The following ALDH18A1 variants were observed in gnomAD, a reference collection of about 807,000 sequenced individuals.
The protein encoded by ALDH18A1 is aldehyde dehydrogenase 18 family member A1, also known as delta-1-pyrroline-5-carboxylate synthase.
ALDH18A1 carries 44 observed loss-of-function variants against 88.8 expected under a neutral mutation model. The ratio of observed to expected loss-of-function variants is 0.50; its 90% CI spans 0.39 to 0.64. The LOEUF is 0.64. Ranked by LOEUF, ALDH18A1 falls within the 30% of genes least tolerant of loss-of-function variation. The pLI is 0.00. For missense variants in ALDH18A1, 782 were observed against 1,009.5 expected (o/e 0.77, Z 3.05); for synonymous variants, 331 against 372.1 (o/e 0.89, Z 1.27).
Position 95,606,403 on chromosome 10 carries a change from T to C in ALDH18A1, c.*359A>G. On this transcript the variant is annotated 3_prime_UTR_variant, in exon 18 of 18. Transcript: ENST00000371224. ...ATTTGTTAAGGATGACTGGCTCTAGTACCAACTAAATGCCAAGGGGGACTG... is the reference window on the plus strand; with the variant it reads ...ATTTGTTAAGGATGACTGGCTCTAGCACCAACTAAATGCCAAGGGGGACTG... 1 of 1,140,804 alleles carries C rather than the reference T, an allele frequency of 8.8e-7. No individual in the cohort carries two copies. Among genetic ancestry groups the C allele is most frequent in the Non-Finnish European group, 1.1e-6 (1 of 923,478 alleles). The allele number at this position is 1,140,804 out of a possible 1,614,324, so 70.7% of individuals were successfully genotyped here.
Position 95,616,537 on chromosome 10 carries a change from A to T in ALDH18A1, c.1545T>A (p.Ile515=). The T allele has an allele frequency of 1.3e-6, 2 of 1,590,068 alleles. No homozygotes were observed. Among genetic ancestry groups the T allele is most frequent in the Non-Finnish European group, 1.7e-6 (2 of 1,167,560 alleles). ...GAGCCTCCTGGGTCAGGAGGTGGAG[A>T]ATCCGGTTGCTGTGTGCAGCCTCCT... ...GGKEAAHSNR[I]LHLLTQEALS... Residue 515 remains isoleucine (I), a synonymous_variant, in exon 13 of 18, where the codon ATT becomes ATA. Transcript: ENST00000371224.
chr10:95,609,171 G>A (rs535886824), intron 17 of ALDH18A1, among the ~76,000 whole-genome samples: 30 of 152,296 alleles, frequency 2.0e-4, no homozygotes, highest in African/African-American at 5.8e-4. Context: ...CACTGCGCCC[G>A]TTCTGGAGTT....
Position 95,621,017 on chromosome 10 carries a change from G to C in ALDH18A1, c.1467+14C>G. 6.2e-7 allele frequency: 1 copy of C among 1,612,216 alleles called. No homozygotes were observed. Among genetic ancestry groups the C allele is most frequent in the Non-Finnish European group, 8.5e-7 (1 of 1,178,484 alleles). On this transcript the variant is annotated intron_variant, in intron 12 of 17. Coordinates refer to ENST00000371224, the MANE Select transcript of ALDH18A1 (RefSeq NM_002860.4). ...CAATGGCAGGGTATTTATTCTCCCG[G>C]GGTATATACACACCTGGGGTAGACA...
At chr10:95,642,398 G>A (rs918531022) in intron 3 of ALDH18A1, among the ~76,000 whole-genome samples, 2 of 152,288 alleles carry the variant, frequency 1.3e-5, no homozygotes, top group Admixed American at 1.3e-4. Context: ...AGGATCACTT[G>A]AGCCCAGCAG....
At chr10:95,626,398 C>T (rs142759097) in intron 10 of ALDH18A1, among the ~76,000 whole-genome samples, 13 of 152,228 alleles carry the variant, frequency 8.5e-5, no homozygotes, top group African/African-American at 2.9e-4. Flanking sequence ...AGTAATTTTC[C>T]CACATTTCCA....
chr10:95,656,587 C>T lies in ALDH18A1; in HGVS notation c.-29+10G>A, dbSNP rs571140165. On this transcript the variant is annotated intron_variant, in intron 1 of 17. Transcript: ENST00000371224. ...CGGGCGCCTAGCCATCCCCGCCGCTCGCCGCGTACCTTCCTCACCACCGCC... is the reference window on the plus strand; with the variant it reads ...CGGGCGCCTAGCCATCCCCGCCGCTTGCCGCGTACCTTCCTCACCACCGCC... 1.2e-3 allele frequency: 179 copies of T among 152,632 alleles called. No homozygotes were observed. Among genetic ancestry groups the T allele is most frequent in the Admixed American group, 2.1e-3 (32 of 15,314 alleles). 9.5% of individuals were successfully genotyped at this position (152,632 alleles called of 1,614,324 possible).
intron 13 of ALDH18A1, among the ~76,000 whole-genome samples, chr10:95,615,491 ATGTG>A (rs202039720): frequency 6.6e-6 from 1 of 152,022 alleles, no homozygotes; most frequent in African/African-American, 2.4e-5. Context: ...GTGGTTATAC[ATGTG>A]TGTGTGTGAA....
intron 7 of ALDH18A1, among the ~76,000 whole-genome samples, chr10:95,630,302 C>T (rs573734759): frequency 1.3e-4 from 20 of 152,264 alleles, no homozygotes; most frequent in African/African-American, 4.6e-4. Flanking sequence ...ATTTCTTCAT[C>T]TGTAAAACTG....
intron 11 of ALDH18A1, among the ~76,000 whole-genome samples, chr10:95,622,468 C>A (rs896861715): frequency 8.5e-5 from 13 of 152,080 alleles, no homozygotes; most frequent in African/African-American, 2.9e-4. Flanking sequence ...TCCCAAAGTG[C>A]TGGGATTACT....
chr10:95,621,466 T>C (rs1369937998), intron 11 of ALDH18A1, among the ~76,000 whole-genome samples: 1 of 151,866 alleles, frequency 6.6e-6, no homozygotes, highest in Admixed American at 6.6e-5. Flanking sequence ...ACTACAGGCA[T>C]GCACCACCAG....
intron 3 of ALDH18A1, among the ~76,000 whole-genome samples, chr10:95,641,817 T>C (rs1021985584): frequency 6.6e-6 from 1 of 151,578 alleles, no homozygotes; most frequent in South Asian, 2.1e-4. Context: ...TTTAAAAAAA[T>C]TTTTGTAGAG....
intron 3 of ALDH18A1, among the ~76,000 whole-genome samples, chr10:95,640,190 G>A (rs541243827): frequency 6.6e-6 from 1 of 151,394 alleles, no homozygotes; most frequent in Non-Finnish European, 1.5e-5. Context: ...ATGAAAAGCA[G>A]GACAAATGTG....
At chr10:95,648,920 A>G (rs2097905433) in intron 2 of ALDH18A1, among the ~76,000 whole-genome samples, 1 of 152,268 alleles carries the variant, frequency 6.6e-6, no homozygotes, top group African/African-American at 2.4e-5. Context: ...CTTCATAAGC[A>G]GAAGGGCTAG....
chr10:95,649,351 ATTTTTT>A (rs376825293), intron 2 of ALDH18A1, among the ~76,000 whole-genome samples: 2 of 131,090 alleles, frequency 1.5e-5, no homozygotes, highest in Admixed American at 7.9e-5. Context: ...ATTTTTACAG[ATTTTTT>A]TTTTTTTTTT....
At chr10:95,616,429 C>G (rs757975483) in intron 13 of ALDH18A1, 48 bp downstream of exon 13, 23 of 1,551,772 alleles carry the variant, frequency 1.5e-5, no homozygotes, top group Non-Finnish European at 2.0e-5. Flanking sequence ...TCCCAAACAC[C>G]TGATCTGGCC....
At chr10:95,653,977 G>A (rs1392244433) in intron 1 of ALDH18A1, among the ~76,000 whole-genome samples, 1 of 152,080 alleles carries the variant, frequency 6.6e-6, no homozygotes, top group Admixed American at 6.6e-5. Context: ...GCCTACAACT[G>A]GCTAACATCT....
intron 3 of ALDH18A1, among the ~76,000 whole-genome samples, chr10:95,639,168 T>C (rs1017182695): frequency 6.6e-6 from 1 of 151,646 alleles, no homozygotes; most frequent in Non-Finnish European, 1.5e-5. Flanking sequence ...CCCATATCTA[T>C]GAAAAATTAA....
Position 95,616,473 on chromosome 10 carries a change from C to A in ALDH18A1, c.1605+4G>T. 6.4e-7 allele frequency: 1 copy of A among 1,561,578 alleles called. No individual in the cohort carries two copies. The highest frequency in any genetic ancestry group is 2.4e-5 in the East Asian group (1 of 42,468). The stretch of plus-strand genomic sequence containing the variant: ...CCTGACTTGGTGCATTCCCAGGGAC[C>A]TACCAGTTGCACGGCCTCCTTGACT... On this transcript the variant is annotated splice_donor_region_variant and intron_variant, in intron 13 of 17. Transcript: ENST00000371224.
At chr10:95,622,728 G>T (rs900715817) in intron 11 of ALDH18A1, among the ~76,000 whole-genome samples, 43 of 151,882 alleles carry the variant, frequency 2.8e-4, no homozygotes, top group African/African-American at 1.0e-3. Flanking sequence ...TAGTAGAGAC[G>T]GGGTTTCACT....
Sources: allele counts gnomAD v4.1 joint callset (sites outside exome capture counted in the v4.1 genomes callset), GRCh38; gene constraint gnomAD v4.1.1; transcripts MANE v1.5; gene names NCBI Gene and HGNC (gene_info 2026-07-23, HGNC 2026-07-21).